DMTN: variants seen among roughly 807,000 people sequenced by gnomAD.
DMTN encodes the protein dematin.
Under a neutral mutation model 59.4 loss-of-function variants are expected in DMTN, and 27 were observed. The ratio of observed to expected loss-of-function variants is 0.45; its 90% confidence interval spans 0.33 to 0.63. The LOEUF (loss-of-function observed/expected upper bound fraction) is 0.63. DMTN is among the 20% of genes least tolerant of loss of function. DMTN has a pLI of 0.02. For missense variants in DMTN, 451 were observed against 528.9 expected (o/e 0.85, Z 1.45); for synonymous variants, 221 against 203.7 (o/e 1.08, Z -0.72).
intron 10 of DMTN, 46 bp from the exon 11 acceptor site, chr8:22,080,134 G>A (rs375993494): frequency 6.2e-7 from 1 of 1,611,412 alleles, no homozygotes; most frequent in Non-Finnish European, 8.5e-7. Context: ...AGGAAGGGCT[G>A]TCAGGGCCAA....
intron 1 of DMTN, among the ~76,000 whole-genome samples, chr8:22,057,515 C>A (rs1803334950): frequency 6.6e-6 from 1 of 152,188 alleles, no homozygotes; most frequent in Non-Finnish European, 1.5e-5. Context: ...CTCCCCAAAA[C>A]CACTCCACAT....
intron 10 of DMTN, 84 bp downstream of exon 10, chr8:22,073,919 A>G: frequency 8.8e-7 from 1 of 1,130,862 alleles, no homozygotes; most frequent in Non-Finnish European, 1.3e-6. Flanking sequence ...TGACACATAC[A>G]GGATGCAATC....
chr8:22,068,763 G>A (rs1185167280), intron 4 of DMTN, among the ~76,000 whole-genome samples: 1 of 150,272 alleles, frequency 6.7e-6, no homozygotes, highest in Admixed American at 6.6e-5. Context: ...AGGAAGGAAG[G>A]AAGGAAGAAA....
At position 22,060,131 on chromosome 8, in the gene DMTN, C is replaced by T. The variant is rs1319281822; in HGVS notation, c.-172+2995C>T. Among the ~76,000 whole-genome samples, 4 of 152,190 alleles carry T rather than the reference C, an allele frequency of 2.6e-5. No homozygotes were observed. Among genetic ancestry groups the T allele is most frequent in the Admixed American group, 1.3e-4 (2 of 15,278 alleles). On this transcript the variant is annotated intron_variant, in intron 1 of 15. Coordinates refer to ENST00000358242, the MANE Select transcript of DMTN (RefSeq NM_001387751.1). The surrounding 1 kb of genome is among the most constrained non-coding windows in gnomAD (Gnocchi z 5.0). ...CCTTCCGTCACCTGGACCTGCCTTC[C>T]TCTGTGGTGCTCTCTCTTCCTCCCT...
At chr8:22,063,118 G>A (rs1029926412) in intron 1 of DMTN, among the ~76,000 whole-genome samples, 1 of 152,112 alleles carries the variant, frequency 6.6e-6, no homozygotes, top group Admixed American at 6.5e-5. Flanking sequence ...ATTCCTACCT[G>A]TTCCCCTGAT....
At chr8:22,067,237 T>C in intron 3 of DMTN, 78 bp downstream of exon 3, 1 of 1,462,100 alleles carries the variant, frequency 6.8e-7, no homozygotes, top group Non-Finnish European at 9.4e-7. Context: ...CTAGCGTGCC[T>C]TCCCGCAGAG....
rs1219955985 is a variant in DMTN, at chr8:22,082,248, C to T, written c.*785C>T. 2.2e-6 allele frequency: 1 copy of T among 456,958 alleles called. No individual in the cohort carries two copies. Among genetic ancestry groups the T allele is most frequent in the East Asian group, 7.0e-5 (1 of 14,374 alleles). 28.3% of individuals were successfully genotyped at this position (456,958 alleles called of 1,614,324 possible). ...CATTTTGGAGTGTCCTGGCTACCAGCTCTCACCTACACCCACGCACCCCCC... is the reference window on the plus strand; with the variant it reads ...CATTTTGGAGTGTCCTGGCTACCAGTTCTCACCTACACCCACGCACCCCCC... On this transcript the variant is annotated 3_prime_UTR_variant, in exon 16 of 16. Coordinates refer to ENST00000358242, the MANE Select transcript of DMTN (RefSeq NM_001387751.1).
At chr8:22,069,794 T>C in intron 6 of DMTN, 87 bp from the exon 7 acceptor site, 1 of 1,486,486 alleles carries the variant, frequency 6.7e-7, no homozygotes, top group Non-Finnish European at 9.4e-7. Context: ...GTTCCCCACC[T>C]TGTCCCGTTC....
In DMTN at chr8:22,067,532, G is replaced by A. The variant is rs1811778186; in HGVS notation, c.99G>A (p.Lys33=). The change falls in exon 4 of 16, where the codon AAG becomes AAA. Residue 33 remains lysine (K), a synonymous_variant. Transcript: ENST00000358242. The part of the protein sequence containing the change: ...VPGSPSSIVA[K]MDNQVLGYKD... ...ACGCGCACCTTTCCCTTCAGGCCAA[G>A]ATGGACAATCAGGTGCTGGGCTACA... 2 of 1,614,196 alleles carry A rather than the reference G, an allele frequency of 1.2e-6. No individual in the cohort carries two copies. The highest frequency in any genetic ancestry group is 8.5e-7 in the Non-Finnish European group (1 of 1,180,032).
intron 6 of DMTN, 80 bp downstream of exon 6, chr8:22,069,598 C>T (rs1238409347): frequency 7.2e-6 from 9 of 1,253,330 alleles, no homozygotes; most frequent in East Asian, 2.4e-5. Context: ...CTCAGTCCCC[C>T]ACTCTCTGGG....
rs201944652 is a variant in DMTN at position 22,081,206 on chromosome 8, G to C, written c.1104+13G>C. 1 of 1,613,624 alleles carries C rather than the reference G, an allele frequency of 6.2e-7. No individual in the cohort carries two copies. The highest frequency in any genetic ancestry group is 2.2e-5 in the East Asian group (1 of 44,832). On this transcript the variant is annotated intron_variant, in intron 15 of 15. Transcript: ENST00000358242. ...GATGCGGCTTGAGGTAGGCAAGGAA[G>C]ATGCCCTGGATGGGTGCGGGGCTGT... is the stretch of plus-strand genomic sequence containing the variant.
upstream of DMTN, among the ~76,000 whole-genome samples, chr8:22,056,359 C>T (rs1350693870): frequency 6.6e-6 from 1 of 152,154 alleles, no homozygotes; most frequent in African/African-American, 2.4e-5. Flanking sequence ...TGCCTGCACC[C>T]CCACCTCAAG....
intron 2 of DMTN, 39 bp downstream of exon 2, chr8:22,066,932 G>A: frequency 8.1e-7 from 1 of 1,238,296 alleles, no homozygotes. Flanking sequence ...GCCGAGGGCG[G>A]GTGGGGGCCG....
At chr8:22,081,292 G>T in intron 15 of DMTN, 58 bp from the exon 16 acceptor site, 1 of 1,598,478 alleles carries the variant, frequency 6.3e-7, no homozygotes, top group Non-Finnish European at 8.6e-7. Flanking sequence ...TGTCCCCTAG[G>T]TCACTGGGCA....
intron 8 of DMTN, among the ~76,000 whole-genome samples, chr8:22,071,770 T>C (rs1224110689): frequency 6.6e-6 from 1 of 151,812 alleles, no homozygotes; most frequent in Non-Finnish European, 1.5e-5. Context: ...TTAATAGAGA[T>C]GGGGTTTCAC....
chr8:22,065,217 A>G (rs777630426), intron 1 of DMTN, among the ~76,000 whole-genome samples: 60 of 152,278 alleles, frequency 3.9e-4, no homozygotes, highest in Non-Finnish European at 5.4e-4. Flanking sequence ...CATTTTTGCT[A>G]GAGACGAGGT....
intron 6 of DMTN, 44 bp downstream of exon 6, chr8:22,069,562 C>T: frequency 1.3e-6 from 2 of 1,484,770 alleles, no homozygotes; most frequent in Non-Finnish European, 1.8e-6. Flanking sequence ...AAGACTTTCT[C>T]CATCAGGAAC....
upstream of DMTN, among the ~76,000 whole-genome samples, chr8:22,050,356 C>T (rs1801219002): frequency 6.6e-6 from 1 of 152,112 alleles, no homozygotes; most frequent in African/African-American, 2.4e-5. Flanking sequence ...TCTTAAAATC[C>T]CTCTGATTTC....
chr8:22,081,312 C>A (rs965333044), intron 15 of DMTN, 38 bp from the exon 16 acceptor site: 5 of 1,600,524 alleles, frequency 3.1e-6, no homozygotes, highest in African/African-American at 1.3e-5. Flanking sequence ...ACAGCCCCCT[C>A]CCCCTCCATG....
Sources: allele counts gnomAD v4.1 joint callset (sites outside exome capture counted in the v4.1 genomes callset), GRCh38; gene constraint gnomAD v4.1.1; non-coding constraint Gnocchi (gnomAD v3.1); transcripts MANE v1.5; gene names NCBI Gene and HGNC (gene_info 2026-07-23, HGNC 2026-07-21).